The following ZC3H18 variants were observed in gnomAD, a reference collection of about 807,000 sequenced individuals.
The protein encoded by ZC3H18 is zinc finger CCCH domain-containing protein 18.
In ZC3H18, 8 loss-of-function variants were observed where a neutral mutation model predicts 106.1. The observed-to-expected ratio is 0.08, with a 90% CI of 0.04 to 0.14. The LOEUF (loss-of-function observed/expected upper bound fraction) is 0.14. ZC3H18 is among the 10% of genes least tolerant of loss of function. The pLI, the probability that ZC3H18 is intolerant of heterozygous loss-of-function variation, is 1.00. For missense variants in ZC3H18, 1,318 were observed against 1,278.4 expected, an observed-to-expected ratio of 1.03 and a Z score of -0.47; for synonymous variants, 635 against 522.1, an observed-to-expected ratio of 1.22 and a Z score of -2.95.
rs1312022234 is a variant in ZC3H18, at chr16:88,624,792, T to C, written c.2042+47T>C. On this transcript the variant is annotated intron_variant, in intron 12 of 17. Coordinates refer to ENST00000301011, the MANE Select transcript of ZC3H18 (RefSeq NM_144604.4). ...GCCCTCAGGCTTTCCGTGTTCTTGG[T>C]GCCACTGTGATGCTGGCACTGCTGG... 6 of 1,561,912 alleles carry C rather than the reference T, an allele frequency of 3.8e-6. No individual in the cohort carries two copies. The Admixed American group carries it at 9.9e-5, about 26-fold the overall frequency.
At chr16:88,620,101 C>G (rs921533814) in intron 8 of ZC3H18, among the ~76,000 whole-genome samples, 9 of 152,306 alleles carry the variant, frequency 5.9e-5, no homozygotes, top group Admixed American at 4.6e-4. Flanking sequence ...ATCCTGCATT[C>G]TCAGCAGATA....
At position 88,611,333 on chromosome 16, in the gene ZC3H18, C is replaced by T. The variant is rs1567592226; in HGVS notation, c.1272C>T (p.Asp424=). Residue 424 remains aspartate, a synonymous_variant, in exon 8 of 18, where the codon GAC becomes GAT. Coordinates refer to ENST00000301011, the MANE Select transcript of ZC3H18 (RefSeq NM_144604.4). The part of the protein sequence containing the change: ...QRERERERER[D]RERERRQRER... ...AGCGCGAGCGGGAGCGGGAGCGGGA[C>T]CGAGAGCGGGAGCGCCGGCAGAGGG... The T allele has an allele frequency of 1.3e-6, 1 of 773,080 alleles. No homozygotes were observed. 47.9% of individuals were successfully genotyped at this position (773,080 alleles called of 1,614,324 possible).
chr16:88,589,998 G>A (rs1387950452), intron 3 of ZC3H18, among the ~76,000 whole-genome samples: 3 of 152,150 alleles, frequency 2.0e-5, no homozygotes, highest in South Asian at 2.1e-4. Context: ...GAAAAAAGTC[G>A]GTGGCTGGGC....
At position 88,577,507 on chromosome 16, in the gene ZC3H18, A is replaced by G. The variant is rs747482364; in HGVS notation, c.384A>G (p.Leu128=). The G allele has an allele frequency of 4.3e-6, 7 of 1,613,098 alleles. No individual in the cohort carries two copies. The highest frequency in any genetic ancestry group is 5.9e-6 in the Non-Finnish European group (7 of 1,179,836). Reference sequence around the variant, plus strand: ...CCAGGGAGCTGGATGAGCATGAGCTAGACTACGATGAGGAGGTTCCTGAGG... The same window carrying G: ...CCAGGGAGCTGGATGAGCATGAGCTGGACTACGATGAGGAGGTTCCTGAGG... The part of the protein sequence containing the change: ...SVTRELDEHE[L]DYDEEVPEEP... Residue 128 remains leucine (L), a synonymous_variant, in exon 2 of 18, where the codon CTA becomes CTG. Transcript: ENST00000301011.
chr16:88,616,511 G>A (rs1375863264), intron 8 of ZC3H18, among the ~76,000 whole-genome samples: 1 of 152,196 alleles, frequency 6.6e-6, no homozygotes, highest in Non-Finnish European at 1.5e-5. Flanking sequence ...CACCTTTGCG[G>A]GAGCCCTGCC....
chr16:88,597,169 G>A (rs1291226242), intron 3 of ZC3H18, among the ~76,000 whole-genome samples: 2 of 152,102 alleles, frequency 1.3e-5, no homozygotes, highest in East Asian at 3.8e-4. Context: ...GAGCCACCAC[G>A]CCTGGCCTCC....
At chr16:88,579,715 C>A (rs1914991532) in intron 2 of ZC3H18, among the ~76,000 whole-genome samples, 1 of 152,280 alleles carries the variant, frequency 6.6e-6, no homozygotes, top group Middle Eastern at 3.4e-3. Flanking sequence ...TGAGGGGACC[C>A]ACAGTTGAAA....
At chr16:88,625,725 T>C (rs1435196358) in intron 13 of ZC3H18, 3 of 175,632 alleles carry the variant, frequency 1.7e-5, no homozygotes, top group African/African-American at 7.2e-5. Context: ...GTGGGCCAGG[T>C]GCGGCGGCTC....
intron 16 of ZC3H18, 112 bp downstream of exon 16, chr16:88,628,966 A>G (rs1447914342): frequency 2.9e-6 from 3 of 1,041,932 alleles, no homozygotes; most frequent in Non-Finnish European, 4.3e-6. Flanking sequence ...GGTCCAGAGA[A>G]CATCTGACTT....
chr16:88,577,086 C>G, intron 1 of ZC3H18, 24 bp from the exon 2 acceptor site: 1 of 1,500,342 alleles, frequency 6.7e-7, no homozygotes, highest in Non-Finnish European at 8.9e-7. Context: ...TAAAGGCTGT[C>G]AATCTGTATT....
intron 17 of ZC3H18, among the ~76,000 whole-genome samples, 163 bp downstream of exon 17, chr16:88,630,744 G>GCCCTCCCCC (rs1257539077): frequency 2.6e-5 from 2 of 76,516 alleles, no homozygotes; most frequent in Admixed American, 1.6e-4. Flanking sequence ...GCGAATTGCA[G>GCCCTCCCCC]CCCCACCCCC....
At chr16:88,622,116 G>T (rs1906002441) in intron 8 of ZC3H18, 81 bp from the exon 9 acceptor site, 2 of 1,469,674 alleles carry the variant, frequency 1.4e-6, no homozygotes, top group South Asian at 1.4e-5. Flanking sequence ...GAGATCCATA[G>T]TCTCTCCCGC....
chr16:88,592,787 AT>A (rs1915828380), intron 3 of ZC3H18, among the ~76,000 whole-genome samples: 1 of 152,226 alleles, frequency 6.6e-6, no homozygotes, highest in African/African-American at 2.4e-5. Flanking sequence ...GGCATTCACC[AT>A]GCACTGGCAT....
chr16:88,591,704 G>C (rs1056676913), intron 3 of ZC3H18, among the ~76,000 whole-genome samples: 3 of 152,258 alleles, frequency 2.0e-5, no homozygotes, highest in Admixed American at 1.3e-4. Flanking sequence ...CTGTGAACGT[G>C]GGCGTAAAAA....
chr16:88,593,909 G>T (rs552340002), intron 3 of ZC3H18, among the ~76,000 whole-genome samples: 1 of 152,338 alleles, frequency 6.6e-6, no homozygotes, highest in South Asian at 2.1e-4. Flanking sequence ...CTGGGTAAAA[G>T]ACCCATTCAA....
At chr16:88,602,417 T>C (rs762085587) in intron 6 of ZC3H18, among the ~76,000 whole-genome samples, 2 of 152,184 alleles carry the variant, frequency 1.3e-5, no homozygotes, top group Non-Finnish European at 2.9e-5. Flanking sequence ...GCAACCTGGA[T>C]TGATAGCTGT....
intron 6 of ZC3H18, among the ~76,000 whole-genome samples, chr16:88,607,542 T>A (rs780353198): frequency 2.6e-5 from 4 of 152,018 alleles, no homozygotes; most frequent in Non-Finnish European, 4.4e-5. Flanking sequence ...GCACGCTTTG[T>A]GTCAGGTTTC....
chr16:88,627,465 G>C lies in ZC3H18; in HGVS notation c.2109-157G>C. On this transcript the variant is annotated intron_variant, in intron 13 of 17. Coordinates refer to ENST00000301011, the MANE Select transcript of ZC3H18 (RefSeq NM_144604.4). This position sits in a 1 kb window ranked among gnomAD's most constrained non-coding sequence, Gnocchi z 4.5. ...TAGCCATGGGGACGTCCCTTACTTTGTAACCCTGAAACTGCCCAGTGTCCC... is the reference window on the plus strand; with the variant it reads ...TAGCCATGGGGACGTCCCTTACTTTCTAACCCTGAAACTGCCCAGTGTCCC... 9.9e-7 allele frequency: 1 copy of C among 1,011,766 alleles called. No individual in the cohort carries two copies. Among genetic ancestry groups the C allele is most frequent in the South Asian group, 1.9e-5 (1 of 53,330 alleles). The allele number at this position is 1,011,766 out of a possible 1,614,324, so 62.7% of individuals were successfully genotyped here. A position where few individuals can be genotyped will look rare whatever the true frequency, so the allele number is the denominator to read the frequency against.
intron 15 of ZC3H18, chr16:88,628,554 A>C: frequency 1.7e-6 from 1 of 588,918 alleles, no homozygotes; most frequent in Non-Finnish European, 3.0e-6. Flanking sequence ...TTCCCCTGGA[A>C]CGTGAAGGGC....
Sources: gnomAD v4.1 joint callset for allele counts (sites outside exome capture counted in the v4.1 genomes callset) on GRCh38, gnomAD v4.1.1 for gene constraint, Gnocchi (gnomAD v3.1) non-coding constraint, MANE v1.5 for transcripts, NCBI Gene and HGNC (gene_info 2026-07-23, HGNC 2026-07-21) for gene names.